The following DPYD variants were observed in gnomAD, a reference collection of about 807,000 sequenced individuals.
The protein encoded by DPYD is dihydropyrimidine dehydrogenase.
In DPYD, 109 loss-of-function variants were observed where a neutral mutation model predicts 116.2. The observed-to-expected ratio is 0.94, with a 90% CI of 0.80 to 1.10. The LOEUF is 1.10. Ranked by LOEUF, DPYD falls within the 50% of genes least tolerant of loss-of-function variation. The probability of loss-of-function intolerance (pLI) is 0.00; values close to 1 mark genes in which losing one functional copy is unlikely to be tolerated. For missense variants in DPYD, 1,302 were observed against 1,254.5 expected (o/e 1.04, Z -0.57); for synonymous variants, 440 against 432.0 (o/e 1.02, Z -0.23).
chr1:97,780,284 G>T (rs1370764681), intron 3 of DPYD, among the ~76,000 whole-genome samples: 2 of 152,132 alleles, frequency 1.3e-5, no homozygotes, highest in African/African-American at 4.8e-5. Context: ...ACAAATAAAG[G>T]CTATGATTAA....
intron 20 of DPYD, among the ~76,000 whole-genome samples, chr1:97,117,699 G>T (rs569470114): frequency 8.5e-5 from 13 of 152,206 alleles, no homozygotes; most frequent in Non-Finnish European, 1.8e-4. Flanking sequence ...TTGTACTATT[G>T]TCAGGATTTA....
rs941341439 is a variant in DPYD at position 97,848,862 on chromosome 1, G to A, written c.151-20666C>T. On this transcript the variant is annotated intron_variant, in intron 2 of 22. Transcript: ENST00000370192. ...ATTATAAGGAGATTAGGAGTCATAT[G>A]TCTCCAAACATTTGAAATTGGATCA... Among the ~76,000 whole-genome samples the A allele has an allele frequency of 9.9e-5, 15 of 152,284 alleles. No individual in the cohort carries two copies. In the East Asian group the frequency reaches 2.3e-3, roughly 24 times the overall value.
intron 14 of DPYD, among the ~76,000 whole-genome samples, chr1:97,428,533 T>C (rs1675000637): frequency 6.6e-6 from 1 of 152,078 alleles, no homozygotes; most frequent in Non-Finnish European, 1.5e-5. Flanking sequence ...GTTTTGTTCC[T>C]GGAAGTTTCA....
At chr1:97,232,716 A>G (rs1465780899) in intron 19 of DPYD, among the ~76,000 whole-genome samples, 1 of 151,898 alleles carries the variant, frequency 6.6e-6, no homozygotes, top group East Asian at 1.9e-4. Context: ...GCTGAGTTTT[A>G]TATTTAAGTG....
At chr1:97,535,367 G>C (rs1649917473) in intron 12 of DPYD, among the ~76,000 whole-genome samples, 1 of 152,108 alleles carries the variant, frequency 6.6e-6, no homozygotes, top group African/African-American at 2.4e-5. Context: ...CCATGCATTA[G>C]AGCGCTGAAA....
intron 13 of DPYD, among the ~76,000 whole-genome samples, chr1:97,458,022 GC>G (rs1676789781): frequency 6.6e-6 from 1 of 152,144 alleles, no homozygotes; most frequent in African/African-American, 2.4e-5. Flanking sequence ...GATACACTCT[GC>G]CAAACGGTAA....
At chr1:97,757,971 T>C (rs1665342183) in intron 3 of DPYD, among the ~76,000 whole-genome samples, 1 of 152,192 alleles carries the variant, frequency 6.6e-6, no homozygotes, top group Admixed American at 6.5e-5. Context: ...TGAATTCTCA[T>C]AATACGCACT....
intron 2 of DPYD, among the ~76,000 whole-genome samples, chr1:97,881,418 A>T (rs1672211773): frequency 6.6e-6 from 1 of 151,972 alleles, no homozygotes; most frequent in South Asian, 2.1e-4. Context: ...AGTCTGTGGT[A>T]TCTTCTTGTA....
At chr1:97,444,935 C>G (rs1349918078) in intron 14 of DPYD, among the ~76,000 whole-genome samples, 2 of 152,074 alleles carry the variant, frequency 1.3e-5, no homozygotes, top group Non-Finnish European at 2.9e-5. Context: ...CCAGGTGAGA[C>G]AGAATGGACT....
intron 16 of DPYD, among the ~76,000 whole-genome samples, chr1:97,319,152 T>C (rs2101092975): frequency 7.3e-6 from 1 of 137,180 alleles, no homozygotes; most frequent in African/African-American, 2.8e-5. Flanking sequence ...ATTGACAACC[T>C]AACATCACAA....
rs552507391 is a variant in DPYD, at chr1:97,654,541, A to G, written c.850+24554T>C. Among the ~76,000 whole-genome samples, 5 of 152,278 alleles carry G rather than the reference A, an allele frequency of 3.3e-5. No individual in the cohort carries two copies. The East Asian group carries it at 5.8e-4, about 18-fold the overall frequency. ...TTCCATATATTTTCACGATTATGTG[A>G]GGTATTCTATTGTATATAATCTTTC... On this transcript the variant is annotated intron_variant, in intron 8 of 22. Coordinates refer to ENST00000370192, the MANE Select transcript of DPYD (RefSeq NM_000110.4).
intron 8 of DPYD, among the ~76,000 whole-genome samples, chr1:97,613,515 T>A (rs1467973978): frequency 6.6e-6 from 1 of 152,024 alleles, no homozygotes; most frequent in East Asian, 1.9e-4. Context: ...ATGCGACATC[T>A]AGAAATCTGG....
chr1:97,239,769 T>C (rs970210697), intron 18 of DPYD, among the ~76,000 whole-genome samples: 1 of 152,108 alleles, frequency 6.6e-6, no homozygotes, highest in Non-Finnish European at 1.5e-5. Context: ...ATTTATAAGC[T>C]GTGTGACTTT....
Position 97,148,960 on chromosome 1 carries a change from G to A in DPYD, c.2622+44109C>T, listed in dbSNP as rs143014751. Among the ~76,000 whole-genome samples, 754 of 152,244 alleles carry A rather than the reference G, an allele frequency of 5.0e-3. 7 individuals are homozygous for A. The highest frequency in any genetic ancestry group is 0.034 in the Middle Eastern group (10 of 294). ...AAGTTTACAACAGAGTCTTTTGTAC[G>A]CTTTGGGCTTGATAGATATTAATGA... On this transcript the variant is annotated intron_variant, in intron 20 of 22. Transcript: ENST00000370192.
chr1:97,339,308 C>T (rs988459324), intron 16 of DPYD, among the ~76,000 whole-genome samples: 1 of 152,094 alleles, frequency 6.6e-6, no homozygotes, highest in African/African-American at 2.4e-5. Flanking sequence ...TGCCTTTTGA[C>T]TGAATGGGCT....
At chr1:97,418,866 C>T (rs1319512848) in intron 14 of DPYD, among the ~76,000 whole-genome samples, 1 of 151,944 alleles carries the variant, frequency 6.6e-6, no homozygotes, top group Non-Finnish European at 1.5e-5. Flanking sequence ...CAGGTTTCAG[C>T]CAAAGCCTAG....
At chr1:97,271,178 A>T (rs950145294) in intron 18 of DPYD, among the ~76,000 whole-genome samples, 1 of 152,154 alleles carries the variant, frequency 6.6e-6, no homozygotes, top group East Asian at 1.9e-4. Flanking sequence ...AGAGTAGAAC[A>T]GTTCCCTCTG....
At chr1:97,814,134 T>G (rs928290056) in intron 3 of DPYD, among the ~76,000 whole-genome samples, 2 of 152,060 alleles carry the variant, frequency 1.3e-5, no homozygotes, top group African/African-American at 4.8e-5. Flanking sequence ...GAGAGCTGAA[T>G]AGCAAGAAGC....
chr1:97,907,474 G>A (rs940737683), intron 1 of DPYD, among the ~76,000 whole-genome samples: 4 of 152,094 alleles, frequency 2.6e-5, no homozygotes, highest in African/African-American at 4.8e-5. Flanking sequence ...CGATTTTATA[G>A]ATGGGGAAAT....
Sources: gnomAD v4.1 joint callset for allele counts (sites outside exome capture counted in the v4.1 genomes callset) on GRCh38, gnomAD v4.1.1 for gene constraint, MANE v1.5 for transcripts, NCBI Gene and HGNC (gene_info 2026-07-23, HGNC 2026-07-21) for gene names.